Variants in CAMKK2 observed in about 807,000 individuals in gnomAD.
The protein encoded by CAMKK2 is calcium/calmodulin dependent protein kinase kinase 2, also known as calcium/calmodulin-dependent protein kinase kinase 2.
In CAMKK2, 30 loss-of-function variants were observed where a neutral mutation model predicts 67.2. The observed-to-expected ratio is 0.45, with a 90% CI of 0.33 to 0.61. The LOEUF (loss-of-function observed/expected upper bound fraction) is 0.61, where lower values mean the gene tolerates loss of function less well. CAMKK2 is among the 20% of genes least tolerant of loss of function. The probability of loss-of-function intolerance (pLI) is 0.02; values close to 1 mark genes in which losing one functional copy is unlikely to be tolerated. For missense variants in CAMKK2, 643 were observed against 802.0 expected, an observed-to-expected ratio of 0.80 and a Z score of 2.39; for synonymous variants, 322 against 326.2, an observed-to-expected ratio of 0.99 and a Z score of 0.14.
Position 121,240,782 on chromosome 12 carries a change from C to T in CAMKK2, c.1684G>A (p.Val562Met). Residue 562 changes from valine (V) to methionine (M), a missense_variant, in exon 17 of 17, where the codon GTG (valine) becomes ATG (methionine). Physicochemically the swap from Val to Met is conservative, Grantham distance 21 (BLOSUM62 1). Transcript: ENST00000404169. This position sits in a 1 kb window ranked among gnomAD's most constrained non-coding sequence, Gnocchi z 4.4. ...GGGGCGGGGGCCCAGCAACTTTCCACGCAGGGACTGCCTCTCACAAGAGCA... is the reference window on the plus strand; with the variant it reads ...GGGGCGGGGGCCCAGCAACTTTCCATGCAGGGACTGCCTCTCACAAGAGCA... ...GSALVRGSPC[V>M]ESCWAPAPGS... 1.9e-6 allele frequency: 3 copies of T among 1,609,566 alleles called. No individual in the cohort carries two copies. Among genetic ancestry groups the T allele is most frequent in the Non-Finnish European group, 2.5e-6 (3 of 1,179,030 alleles).
chr12:121,266,499 G>GTT lies in CAMKK2; in HGVS notation c.625+2137_625+2138dup, dbSNP rs144456553. Among the ~76,000 whole-genome samples, 667 of 142,740 alleles carry GTT rather than the reference G, an allele frequency of 4.7e-3. 5 individuals carry two copies. The highest frequency in any genetic ancestry group is 0.013 in the African/African-American group (499 of 38,540). The allele number at this position is 142,740 out of a possible 152,430, so 93.6% of individuals were successfully genotyped here. ...AACCAGGGTCCTACTGTTAGGATGG[G>GTT]TTTTTTTTTTTTTTTGAGATGGAGT... On this transcript the variant is annotated intron_variant, in intron 5 of 16. Transcript: ENST00000404169.
At chr12:121,293,121 C>CA (rs1900413562) in intron 1 of CAMKK2, among the ~76,000 whole-genome samples, 1 of 151,742 alleles carries the variant, frequency 6.6e-6, no homozygotes, top group Non-Finnish European at 1.5e-5. Flanking sequence ...ACTAAAAATA[C>CA]AAAAAATTAG....
At chr12:121,279,503 C>T (rs1238692032) in intron 1 of CAMKK2, among the ~76,000 whole-genome samples, 2 of 152,194 alleles carry the variant, frequency 1.3e-5, no homozygotes, top group African/African-American at 2.4e-5. Context: ...GAAACAGCAA[C>T]GGCTAACATT....
At chr12:121,252,535 G>A in intron 11 of CAMKK2, 126 bp downstream of exon 11, 1 of 841,220 alleles carries the variant, frequency 1.2e-6, no homozygotes, top group Non-Finnish European at 1.9e-6. Flanking sequence ...TGGGTTTACA[G>A]GCGTGAGCCA....
At chr12:121,284,286 T>C (rs1486794406) in intron 1 of CAMKK2, among the ~76,000 whole-genome samples, 1 of 152,240 alleles carries the variant, frequency 6.6e-6, no homozygotes, top group Non-Finnish European at 1.5e-5. Context: ...AGGGCGACAA[T>C]TGGGCTGAGT....
At chr12:121,270,111 C>T (rs1466262849) in intron 3 of CAMKK2, among the ~76,000 whole-genome samples, 2 of 152,010 alleles carry the variant, frequency 1.3e-5, no homozygotes, top group Middle Eastern at 3.4e-3. Flanking sequence ...GTGGCTTACA[C>T]CTGTAATCCC....
chr12:121,268,507 G>T, intron 5 of CAMKK2, 131 bp downstream of exon 5: 1 of 846,730 alleles, frequency 1.2e-6, no homozygotes, highest in Non-Finnish European at 2.0e-6. Flanking sequence ...CAATTCTTGT[G>T]CCTCAGCCTC....
intron 1 of CAMKK2, among the ~76,000 whole-genome samples, chr12:121,275,244 G>A (rs748809492): frequency 6.6e-6 from 1 of 152,134 alleles, no homozygotes; most frequent in Non-Finnish European, 1.5e-5. Context: ...AGCATTTTGG[G>A]AGGCCAAGGC....
chr12:121,251,239 A>C (rs1481151687), intron 11 of CAMKK2, among the ~76,000 whole-genome samples: 1 of 152,214 alleles, frequency 6.6e-6, no homozygotes, highest in Admixed American at 6.5e-5. Flanking sequence ...GAAATACATT[A>C]AGAAACCAGA....
At position 121,252,937 on chromosome 12, in the gene CAMKK2, T is replaced by C. The variant is rs557416394; in HGVS notation, c.1108-223A>G. Among the ~76,000 whole-genome samples the C allele has an allele frequency of 8.5e-5, 13 of 152,304 alleles. No homozygotes were observed. The East Asian group carries it at 1.5e-3, about 18-fold the overall frequency. On this transcript the variant is annotated intron_variant, in intron 10 of 16. Coordinates refer to ENST00000404169, the MANE Select transcript of CAMKK2 (RefSeq NM_001270485.2). ...GGTTCAAGCATGGGCACATGACCCA[T>C]GTTGGGCCAATCAGAGCCAACCCCA...
At chr12:121,284,399 A>G (rs1898343053) in intron 1 of CAMKK2, among the ~76,000 whole-genome samples, 1 of 150,388 alleles carries the variant, frequency 6.6e-6, no homozygotes, top group Non-Finnish European at 1.5e-5. Flanking sequence ...ATCTCGGCTC[A>G]GCGCAACCTC....
At chr12:121,263,761 C>T in intron 6 of CAMKK2, 45 bp downstream of exon 6, 1 of 1,552,464 alleles carries the variant, frequency 6.4e-7, no homozygotes, top group Non-Finnish European at 8.8e-7. Context: ...TGGGTATTAA[C>T]AAAGCCAGGG....
intron 1 of CAMKK2, among the ~76,000 whole-genome samples, chr12:121,278,211 GAT>G (rs146261035): frequency 0.027 from 4,134 of 152,182 alleles, 164 homozygotes; most frequent in African/African-American, 0.094. Flanking sequence ...ACTCAAGTTT[GAT>G]ATTTCTCTAT....
chr12:121,265,191 T>G (rs1265562022), intron 5 of CAMKK2, among the ~76,000 whole-genome samples: 6 of 152,078 alleles, frequency 3.9e-5, no homozygotes, highest in Non-Finnish European at 7.4e-5. Flanking sequence ...TAAGTAAGGC[T>G]CTGAGTGTGA....
At position 121,274,377 on chromosome 12, in the gene CAMKK2, C is replaced by T. The variant is rs1406404928; in HGVS notation, c.150G>A (p.Glu50=). 6.2e-7 allele frequency: 1 copy of T among 1,613,560 alleles called. No homozygotes were observed. Among genetic ancestry groups the T allele is most frequent in the East Asian group, 2.2e-5 (1 of 44,874 alleles). The change falls in exon 2 of 17, where the codon GAG becomes GAA. Residue 50 remains glutamate (E), a synonymous_variant. Transcript: ENST00000404169. ...LSSLSIHLGM[E]SFIVVTECEP... ...CACACTCGGTGACCACAATGAAGGA[C>T]TCCATGCCCAGGTGGATGCTCAAGG...
chr12:121,270,473 T>C (rs1895540860), intron 3 of CAMKK2, among the ~76,000 whole-genome samples: 1 of 152,162 alleles, frequency 6.6e-6, no homozygotes, highest in South Asian at 2.1e-4. Flanking sequence ...GCCACTGTCC[T>C]TACCACTCCC....
chr12:121,293,707 C>A (rs1363675319), intron 1 of CAMKK2, among the ~76,000 whole-genome samples: 1 of 151,804 alleles, frequency 6.6e-6, no homozygotes, highest in Non-Finnish European at 1.5e-5. Flanking sequence ...CCCACCCTAT[C>A]CCCTTCCCCT....
Position 121,253,148 on chromosome 12 carries a change from A to AT in CAMKK2, c.1107+124_1107+125insA. The AT allele has an allele frequency of 3.8e-6, 3 of 786,120 alleles. No individual in the cohort carries two copies. The highest frequency in any genetic ancestry group is 6.4e-6 in the Non-Finnish European group (3 of 472,026). 48.7% of individuals were successfully genotyped at this position (786,120 alleles called of 1,614,324 possible). ...CTGGATCTAGCCAAGCCTGAAGCCT[A>AT]CCCCTCAGTATCTTGATCCAGGGGA... On this transcript the variant is annotated intron_variant, in intron 10 of 16. Transcript: ENST00000404169. This position sits in a 1 kb window ranked among gnomAD's most constrained non-coding sequence, Gnocchi z 5.0.
At chr12:121,283,876 G>A (rs1035994257) in intron 1 of CAMKK2, among the ~76,000 whole-genome samples, 13 of 152,180 alleles carry the variant, frequency 8.5e-5, no homozygotes, top group Admixed American at 4.6e-4. Context: ...TCAGAGCCAG[G>A]AGATTTCAGA....
Sources: allele counts gnomAD v4.1 joint callset (sites outside exome capture counted in the v4.1 genomes callset), GRCh38; gene constraint gnomAD v4.1.1; non-coding constraint Gnocchi (gnomAD v3.1); transcripts MANE v1.5; gene names NCBI Gene and HGNC (gene_info 2026-07-23, HGNC 2026-07-21).